The following DOCK8 variants were observed in gnomAD, a reference collection of about 807,000 sequenced individuals.
DOCK8 encodes the protein dedicator of cytokinesis protein 8.
In DOCK8, 141 loss-of-function variants were observed where a neutral mutation model predicts 245.6. The ratio of observed to expected loss-of-function variants is 0.57; its 90% confidence interval spans 0.50 to 0.66. DOCK8 has a LOEUF of 0.66. DOCK8 is among the 30% of genes least tolerant of loss of function. The probability of loss-of-function intolerance (pLI) is 0.00; values close to 1 mark genes in which losing one functional copy is unlikely to be tolerated. For synonymous variants in DOCK8, 1,168 were observed against 970.2 expected, an observed-to-expected ratio of 1.20 and a Z score of -3.79; for missense variants, 2,965 against 2,603.4, an observed-to-expected ratio of 1.14 and a Z score of -3.02.
At chr9:424,688 G>C (rs1030806401) in intron 33 of DOCK8, among the ~76,000 whole-genome samples, 27 of 152,314 alleles carry the variant, frequency 1.8e-4, no homozygotes, top group Admixed American at 3.9e-4. Context: ...GGGATTACAG[G>C]CATGAGCCAC....
chr9:399,356 C>G (rs1475538512), intron 26 of DOCK8, 97 bp downstream of exon 26: 1 of 898,566 alleles, frequency 1.1e-6, no homozygotes, highest in South Asian at 1.4e-5. Context: ...TTCTTCATTA[C>G]TGAGTTGGCA....
chr9:230,787 G>C (rs1324663718), intron 1 of DOCK8, among the ~76,000 whole-genome samples: 6 of 152,122 alleles, frequency 3.9e-5, no homozygotes, highest in African/African-American at 1.4e-4. Flanking sequence ...GTTCATTGTA[G>C]ATTCTGGATA....
intron 43 of DOCK8, among the ~76,000 whole-genome samples, chr9:443,990 A>G (rs1193252282): frequency 6.6e-6 from 1 of 152,124 alleles, no homozygotes; most frequent in Non-Finnish European, 1.5e-5. Context: ...TTCAAACTCG[A>G]CAACACTTAG....
chr9:225,992 A>G (rs2131355204), intron 1 of DOCK8, among the ~76,000 whole-genome samples: 2 of 152,360 alleles, frequency 1.3e-5, no homozygotes, highest in Middle Eastern at 6.8e-3. Context: ...AACGAATCAC[A>G]TAAAAGCCTT....
intron 7 of DOCK8, among the ~76,000 whole-genome samples, chr9:322,812 G>GC (rs1265850112): frequency 6.6e-6 from 1 of 152,134 alleles, no homozygotes; most frequent in Non-Finnish European, 1.5e-5. Context: ...CCTCCAATTG[G>GC]CCTGGTGCAG....
intron 9 of DOCK8, 39 bp from the exon 10 acceptor site, chr9:332,359 A>G (rs1444744022): frequency 7.1e-7 from 1 of 1,409,056 alleles, no homozygotes; most frequent in Non-Finnish European, 1.0e-6. Context: ...TTATGGATGT[A>G]ATTTATGTGC....
At chr9:444,335 A>AAATAATAATACT (rs2057182154) in intron 43 of DOCK8, among the ~76,000 whole-genome samples, 1 of 143,622 alleles carries the variant, frequency 7.0e-6, no homozygotes, top group South Asian at 2.3e-4. Flanking sequence ...AAAACAAAGC[A>AAATAATAATACT]AATAATAATA....
intron 14 of DOCK8, among the ~76,000 whole-genome samples, chr9:363,569 T>G (rs2052835499): frequency 6.6e-6 from 1 of 152,242 alleles, no homozygotes; most frequent in Non-Finnish European, 1.5e-5. Context: ...GCACTCTTAC[T>G]GATTTAGAAA....
chr9:408,975 A>C (rs1435707916), intron 28 of DOCK8, among the ~76,000 whole-genome samples: 8 of 152,326 alleles, frequency 5.3e-5, no homozygotes, highest in Non-Finnish European at 1.0e-4. Flanking sequence ...GCAACACAGT[A>C]ATCCCTGATT....
At chr9:446,913 T>C (rs183818148) in intron 44 of DOCK8, among the ~76,000 whole-genome samples, 3 of 151,810 alleles carry the variant, frequency 2.0e-5, no homozygotes, top group East Asian at 3.9e-4. Context: ...ACAACAGATA[T>C]ATTTACCTTT....
At chr9:400,976 A>ACCACCACCACCTCCACCACCACCC (rs1198131607) in intron 26 of DOCK8, among the ~76,000 whole-genome samples, 1 of 138,002 alleles carries the variant, frequency 7.2e-6, no homozygotes, top group Non-Finnish European at 1.6e-5. Flanking sequence ...CTCCTCCACC[A>ACCACCACCACCTCCACCACCACCC]TCACCACCTC....
At chr9:242,594 T>C (rs191240993) in intron 1 of DOCK8, among the ~76,000 whole-genome samples, 2 of 152,328 alleles carry the variant, frequency 1.3e-5, no homozygotes, top group East Asian at 3.9e-4. Flanking sequence ...GTGTTCTTAT[T>C]CTCCCAAGGA....
At chr9:365,917 C>T (rs560848417) in intron 14 of DOCK8, 9 of 288,804 alleles carry the variant, frequency 3.1e-5, no homozygotes, top group Admixed American at 2.8e-4. Flanking sequence ...CACGTCCACT[C>T]CTGACAGCAT....
At chr9:258,339 A>G (rs1025483541) in intron 1 of DOCK8, among the ~76,000 whole-genome samples, 4 of 127,064 alleles carry the variant, frequency 3.1e-5, no homozygotes, top group Non-Finnish European at 7.0e-5. Flanking sequence ...TCATGAATAT[A>G]CAGCATGTGG....
At chr9:359,596 A>C (rs1480335686) in intron 14 of DOCK8, among the ~76,000 whole-genome samples, 1 of 152,212 alleles carries the variant, frequency 6.6e-6, no homozygotes, top group Non-Finnish European at 1.5e-5. Context: ...TGAATCCTTG[A>C]ATAAAAGACA....
At position 334,339 on chromosome 9, in the gene DOCK8, G is replaced by A. The variant is rs754749124; in HGVS notation, c.1240G>A (p.Val414Ile). Residue 414 changes from valine to isoleucine, a missense_variant, in exon 11 of 48, where the codon GTC becomes ATC. Physicochemically the swap from Val to Ile is conservative, Grantham distance 29. Coordinates refer to ENST00000432829, the MANE Select transcript of DOCK8 (RefSeq NM_203447.4). The part of the protein sequence containing the change: ...APISLSSFFN[V>I]STLEREVTDV... ...CATAAGCTTATCAAGCTTCTTCAAT[G>A]TCTCCACCCTTGAGAGGGAGGTAAC... 11 of 1,614,148 alleles carry A rather than the reference G, an allele frequency of 6.8e-6. No homozygotes were observed. The highest frequency in any genetic ancestry group is 7.6e-6 in the Non-Finnish European group (9 of 1,179,998).
rs1057110601 is a variant in DOCK8, at chr9:400,947, T to G, written c.3234+1688T>G. On this transcript the variant is annotated intron_variant, in intron 26 of 47. Transcript: ENST00000432829. ...ATCACCACAACATCCACCACCACCATCACCACCACCACCACCACCTCCTCC... is the reference window on the plus strand; with the variant it reads ...ATCACCACAACATCCACCACCACCAGCACCACCACCACCACCACCTCCTCC... 4.9e-4 allele frequency among the ~76,000 whole-genome samples: 14 copies of G among 28,548 alleles called. 2 individuals are homozygous for G. Among genetic ancestry groups the G allele is most frequent in the Admixed American group, 1.8e-3 (5 of 2,830 alleles). 18.7% of individuals were successfully genotyped at this position (28,548 alleles called of 152,430 possible). A position where few individuals can be genotyped will look rare whatever the true frequency, so the allele number is the denominator to read the frequency against.
intron 10 of DOCK8, among the ~76,000 whole-genome samples, chr9:333,094 A>T (rs1033046271): frequency 2.0e-5 from 3 of 152,106 alleles, no homozygotes; most frequent in African/African-American, 4.8e-5. Context: ...GCTGGTTGGG[A>T]GGTCCGTGGA....
At chr9:374,467 T>G (rs1036815740) in intron 18 of DOCK8, among the ~76,000 whole-genome samples, 4 of 143,580 alleles carry the variant, frequency 2.8e-5, no homozygotes, top group Non-Finnish European at 4.6e-5. Context: ...TTTTTTTTTT[T>G]TTTTTTTTTT....
Sources: gnomAD v4.1 joint callset for allele counts (sites outside exome capture counted in the v4.1 genomes callset) on GRCh38, gnomAD v4.1.1 for gene constraint, MANE v1.5 for transcripts, NCBI Gene and HGNC (gene_info 2026-07-23, HGNC 2026-07-21) for gene names.